Variants in NOP58 observed in about 807,000 individuals in gnomAD.
NOP58 encodes nucleolar protein 58.
Under a neutral mutation model 71.2 loss-of-function variants are expected in NOP58, and 44 were observed. The observed-to-expected ratio is 0.62, with a 90% CI of 0.49 to 0.79. The LOEUF (loss-of-function observed/expected upper bound fraction) is 0.79, where lower values mean the gene tolerates loss of function less well. Among genes scored for constraint, NOP58 ranks in the 30% least tolerant of loss-of-function variants. NOP58 has a pLI of 0.00. For synonymous variants in NOP58, 228 were observed against 200.3 expected (o/e 1.14, Z -1.17); for missense variants, 538 against 620.2 (o/e 0.87, Z 1.41).
chr2:202,302,083 C>CTTTTTTTTT (rs71031885), intron 13 of NOP58, among the ~76,000 whole-genome samples: 34 of 90,580 alleles, frequency 3.8e-4, no homozygotes, highest in Non-Finnish European at 5.2e-4. Flanking sequence ...TTTTTTTTTT[C>CTTTTTTTTT]TTTTTTTTTT....
chr2:202,296,305 C>T (rs947786242), intron 10 of NOP58, among the ~76,000 whole-genome samples: 1 of 152,042 alleles, frequency 6.6e-6, no homozygotes, highest in Non-Finnish European at 1.5e-5. Context: ...AAACGATTCT[C>T]CTGCCTCCCT....
chr2:202,285,487 A>G (rs1688772262), intron 5 of NOP58, among the ~76,000 whole-genome samples: 1 of 151,200 alleles, frequency 6.6e-6, no homozygotes, highest in Non-Finnish European at 1.5e-5. Context: ...CTGGGACTGC[A>G]AGTGTGCGCC....
intron 8 of NOP58, among the ~76,000 whole-genome samples, chr2:202,291,806 CAAA>C (rs1161178890): frequency 3.6e-4 from 15 of 41,896 alleles, no homozygotes; most frequent in African/African-American, 1.1e-3. Context: ...AACTCCATCT[CAAA>C]AAAAAAAAAA....
intron 12 of NOP58, among the ~76,000 whole-genome samples, chr2:202,298,443 G>A (rs1180248075): frequency 1.3e-5 from 2 of 152,128 alleles, no homozygotes; most frequent in African/African-American, 4.8e-5. Context: ...CTGAGGTCAG[G>A]AGTTCAACAC....
chr2:202,286,382 G>A (rs1688786543), intron 5 of NOP58, among the ~76,000 whole-genome samples: 1 of 150,144 alleles, frequency 6.7e-6, no homozygotes, highest in African/African-American at 2.4e-5. Context: ...GCGGGCGCCT[G>A]TAGTCCCAGC....
chr2:202,284,701 G>A (rs1688761825), intron 5 of NOP58: 1 of 462,978 alleles, frequency 2.2e-6, no homozygotes, highest in Non-Finnish European at 3.8e-6. Flanking sequence ...TGGCTCTATT[G>A]TCTGGATTCT....
chr2:202,275,242 A>AT (rs1195993729), intron 2 of NOP58, 53 bp downstream of exon 2: 9 of 852,160 alleles, frequency 1.1e-5, no homozygotes, highest in South Asian at 1.6e-5. Context: ...GGCTTGTTTT[A>AT]TTTTTTACAT....
chr2:202,266,242 T>C, intron 1 of NOP58, among the ~76,000 whole-genome samples: 1 of 152,130 alleles, frequency 6.6e-6, no homozygotes, highest in Admixed American at 6.6e-5. Flanking sequence ...CGTGTTAGAA[T>C]TTAACAGATT....
At chr2:202,274,686 C>T (rs1215244200) in intron 1 of NOP58, among the ~76,000 whole-genome samples, 1 of 152,066 alleles carries the variant, frequency 6.6e-6, no homozygotes, top group East Asian at 1.9e-4. Context: ...CTCATAAACC[C>T]AGGAGGTGAA....
intron 3 of NOP58, among the ~76,000 whole-genome samples, chr2:202,278,565 C>T (rs780135434): frequency 2.6e-4 from 39 of 152,130 alleles, no homozygotes; most frequent in Non-Finnish European, 4.6e-4. Context: ...GATTTCATCA[C>T]GGGACAACAG....
chr2:202,271,300 C>G (rs987301062), intron 1 of NOP58, among the ~76,000 whole-genome samples: 1 of 151,606 alleles, frequency 6.6e-6, no homozygotes, highest in Admixed American at 6.6e-5. Flanking sequence ...TCACGCCTGT[C>G]ATCCCAGTAC....
intron 5 of NOP58, among the ~76,000 whole-genome samples, chr2:202,287,167 T>C (rs1688801744): frequency 6.6e-6 from 1 of 151,104 alleles, no homozygotes; most frequent in Admixed American, 6.7e-5. Flanking sequence ...CCTCCCCGGT[T>C]CAAGCGATTC....
Position 202,284,376 on chromosome 2 carries a change from C to T in NOP58, c.329C>T (p.Pro110Leu), listed in dbSNP as rs1688755921. 2 of 1,612,396 alleles carry T rather than the reference C, an allele frequency of 1.2e-6. No homozygotes were observed. Among genetic ancestry groups the T allele is most frequent in the Admixed American group, 1.7e-5 (1 of 59,936 alleles). ...CTGAATCTCAGTTGTATCCATAGTCCTGTTGTTAATGAACTTATGAGAGGA... is the reference window on the plus strand; with the variant it reads ...CTGAATCTCAGTTGTATCCATAGTCTTGTTGTTAATGAACTTATGAGAGGA... Reference protein sequence around the residue: ...EKLNLSCIHSPVVNELMRGIR... With the variant: ...EKLNLSCIHSLVVNELMRGIR... Residue 110 changes from proline (P) to leucine (L), a missense_variant, in exon 5 of 15, where the codon CCT becomes CTT. By Grantham distance (98) the Pro-to-Leu change is moderately conservative. Coordinates refer to ENST00000264279, the MANE Select transcript of NOP58 (RefSeq NM_015934.5).
intron 4 of NOP58, among the ~76,000 whole-genome samples, chr2:202,283,513 T>C (rs1688740530): frequency 6.6e-6 from 1 of 151,592 alleles, no homozygotes; most frequent in South Asian, 2.1e-4. Context: ...CAGTCTTGGC[T>C]CACTGCAACC....
At position 202,297,389 on chromosome 2, in the gene NOP58, T is replaced by G; in HGVS notation, c.1082T>G (p.Met361Arg). 2 of 1,612,066 alleles carry G rather than the reference T, an allele frequency of 1.2e-6. No individual in the cohort carries two copies. Among genetic ancestry groups the G allele is most frequent in the Non-Finnish European group, 8.5e-7 (1 of 1,179,040 alleles). Residue 361 changes from methionine to arginine, a missense_variant, in exon 11 of 15, where the codon ATG becomes AGG. Met to Arg is a moderately conservative substitution (Grantham distance 91, BLOSUM62 -1). Coordinates refer to ENST00000264279, the MANE Select transcript of NOP58 (RefSeq NM_015934.5). ...SPKHKGKISR[M>R]LAAKTVLAIR... is the part of the protein sequence containing the mutation. Reference sequence around the variant, plus strand: ...ATGTTTTTCTATTAGATTTCTCGAATGCTGGCAGCCAAAACCGTTTTGGCT... The same window carrying G: ...ATGTTTTTCTATTAGATTTCTCGAAGGCTGGCAGCCAAAACCGTTTTGGCT...
intron 10 of NOP58, among the ~76,000 whole-genome samples, chr2:202,296,991 C>T (rs1401085025): frequency 6.6e-6 from 1 of 152,162 alleles, no homozygotes; most frequent in East Asian, 1.9e-4. Context: ...CCTCGGCCTC[C>T]CAAAGTGCTG....
At chr2:202,276,715 A>G (rs565550633) in intron 2 of NOP58, among the ~76,000 whole-genome samples, 1 of 152,160 alleles carries the variant, frequency 6.6e-6, no homozygotes, top group Non-Finnish European at 1.5e-5. Flanking sequence ...GTGCACACCT[A>G]TAGTCCTAGC....
At chr2:202,282,938 C>T (rs924604704) in intron 4 of NOP58, among the ~76,000 whole-genome samples, 15 of 152,186 alleles carry the variant, frequency 9.9e-5, no homozygotes, top group Non-Finnish European at 1.8e-4. Context: ...GGGCGGGGCG[C>T]GGTGGCTCAC....
intron 4 of NOP58, among the ~76,000 whole-genome samples, chr2:202,283,264 CTG>C (rs756724757): frequency 3.3e-5 from 5 of 152,040 alleles, no homozygotes; most frequent in Non-Finnish European, 7.4e-5. Context: ...GAGTCTCACT[CTG>C]TTGCCCTGGC....
Sources: allele counts gnomAD v4.1 joint callset (sites outside exome capture counted in the v4.1 genomes callset), GRCh38; gene constraint gnomAD v4.1.1; transcripts MANE v1.5; gene names NCBI Gene and HGNC (gene_info 2026-07-23, HGNC 2026-07-21).